Variants in PCMTD1 observed in about 807,000 individuals in gnomAD.
The protein encoded by PCMTD1 is protein-L-isoaspartate (D-aspartate) O-methyltransferase domain containing 1.
Under a neutral mutation model 37.6 loss-of-function variants are expected in PCMTD1, and 12 were observed. That is an observed-to-expected ratio of 0.32 (90% confidence interval 0.20 to 0.52). The LOEUF (loss-of-function observed/expected upper bound fraction) is 0.52. PCMTD1 is among the 20% of genes least tolerant of loss of function. PCMTD1 has a pLI of 0.97. For synonymous variants in PCMTD1, 117 were observed against 135.8 expected (o/e 0.86, Z 0.96); for missense variants, 235 against 421.3 (o/e 0.56, Z 3.87).
upstream of PCMTD1, chr8:51,899,079 T>A: frequency 1.3e-6 from 2 of 1,488,726 alleles, no homozygotes; most frequent in Non-Finnish European, 1.8e-6. Flanking sequence ...AGCCAGAGCC[T>A]CCCGGACTCC....
intron 1 of PCMTD1, among the ~76,000 whole-genome samples, chr8:51,883,658 T>C (rs2038824286): frequency 2.0e-5 from 3 of 152,210 alleles, no homozygotes; most frequent in Admixed American, 2.0e-4. Flanking sequence ...AAGGTATGTG[T>C]ATTTTCTAAA....
At chr8:51,865,185 T>A (rs981422359) in intron 1 of PCMTD1, among the ~76,000 whole-genome samples, 2 of 152,048 alleles carry the variant, frequency 1.3e-5, no homozygotes, top group African/African-American at 4.8e-5. Flanking sequence ...AATCAATAAT[T>A]AAGAAATCTC....
intron 3 of PCMTD1, 90 bp from the exon 4 acceptor site, chr8:51,833,779 T>G: frequency 1.1e-6 from 1 of 872,722 alleles, no homozygotes; most frequent in South Asian, 2.0e-5. Flanking sequence ...AATAATGACG[T>G]TACCCAAATT....
At chr8:51,845,914 T>A in intron 2 of PCMTD1, 151 bp from the exon 3 acceptor site, 1 of 540,546 alleles carries the variant, frequency 1.8e-6, no homozygotes, top group Non-Finnish European at 3.2e-6. Flanking sequence ...AAAAGTTGAA[T>A]GGAAATCCAC....
chr8:51,844,184 T>G (rs182320073), intron 3 of PCMTD1, among the ~76,000 whole-genome samples: 384 of 152,314 alleles, frequency 2.5e-3, no homozygotes, highest in Non-Finnish European at 3.7e-3. Context: ...TCCAAATTTC[T>G]TATCAAATAA....
chr8:51,834,665 G>C (rs931155855), intron 3 of PCMTD1, among the ~76,000 whole-genome samples: 2 of 152,068 alleles, frequency 1.3e-5, no homozygotes, highest in Non-Finnish European at 2.9e-5. Flanking sequence ...AAATAACACT[G>C]ATTTGAATCA....
At chr8:51,849,682 T>C (rs986052016) in intron 2 of PCMTD1, 2 of 163,592 alleles carry the variant, frequency 1.2e-5, no homozygotes, top group African/African-American at 4.8e-5. Flanking sequence ...ATCACATTCA[T>C]TGCACTCTTA....
At chr8:51,891,356 C>G (rs1053120823) in intron 1 of PCMTD1, among the ~76,000 whole-genome samples, 8 of 151,926 alleles carry the variant, frequency 5.3e-5, no homozygotes, top group African/African-American at 1.7e-4. Flanking sequence ...TTGAGACAAG[C>G]CTGGGCAACA....
chr8:51,876,015 TATC>T (rs1237972163), intron 1 of PCMTD1, among the ~76,000 whole-genome samples: 2 of 152,228 alleles, frequency 1.3e-5, no homozygotes, highest in African/African-American at 2.4e-5. Context: ...ATCACTATTA[TATC>T]ATTACTGATG....
chr8:51,882,435 A>C (rs2038804472), intron 1 of PCMTD1, among the ~76,000 whole-genome samples: 1 of 147,066 alleles, frequency 6.8e-6, no homozygotes, highest in Admixed American at 6.9e-5. Context: ...CATTCAATTC[A>C]TAACTGTACC....
At chr8:51,833,396 T>A in intron 4 of PCMTD1, 122 bp downstream of exon 4, 1 of 723,574 alleles carries the variant, frequency 1.4e-6, no homozygotes, top group Non-Finnish European at 2.1e-6. Flanking sequence ...ATAAGATAAA[T>A]CTGGTGAAAA....
At chr8:51,860,687 A>T in intron 2 of PCMTD1, 158 bp downstream of exon 2, 2 of 615,652 alleles carry the variant, frequency 3.2e-6, no homozygotes, top group South Asian at 5.0e-5. Context: ...AAAAAAGATT[A>T]CTACTACTTT....
intron 1 of PCMTD1, among the ~76,000 whole-genome samples, chr8:51,896,883 C>CA (rs34125033): frequency 0.72 from 92,717 of 128,866 alleles, 34,942 homozygotes; most frequent in Non-Finnish European, 0.86. Flanking sequence ...CGCACTATTA[C>CA]AAAAAAAAAA....
At chr8:51,833,811 A>G (rs1275909107) in intron 3 of PCMTD1, 122 bp from the exon 4 acceptor site, 3 of 609,754 alleles carry the variant, frequency 4.9e-6, no homozygotes, top group Non-Finnish European at 5.2e-6. Flanking sequence ...TAAAATGATT[A>G]TAAACTTTAT....
At position 51,833,536 on chromosome 8, in the gene PCMTD1, G is replaced by C. The variant is rs763873687; in HGVS notation, c.564C>G (p.Val188=). ...AAGTTACCTGATCCTCTATAGGCAT[G>C]ACTAATATGCCTCCAACTTTTAGTA... ...KILLKVGGIL[V]MPIEDQLTQI... Residue 188 remains valine, a synonymous_variant, in exon 4 of 6, where the codon GTC becomes GTG. Coordinates refer to ENST00000522514, the MANE Select transcript of PCMTD1 (RefSeq NM_052937.4). 1.2e-6 allele frequency: 2 copies of C among 1,611,278 alleles called. No individual in the cohort carries two copies. The highest frequency in any genetic ancestry group is 3.3e-5 in the Admixed American group (2 of 59,830).
intron 1 of PCMTD1, among the ~76,000 whole-genome samples, chr8:51,886,492 C>G (rs1189832623): frequency 6.6e-6 from 1 of 152,094 alleles, no homozygotes; most frequent in Non-Finnish European, 1.5e-5. Context: ...TTCCTATATG[C>G]CATTTTGATT....
At chr8:51,894,410 A>G (rs1425798552) in intron 1 of PCMTD1, among the ~76,000 whole-genome samples, 1 of 152,214 alleles carries the variant, frequency 6.6e-6, no homozygotes, top group African/African-American at 2.4e-5. Flanking sequence ...CACTCAGCAG[A>G]GGCACAGTGG....
intron 1 of PCMTD1, among the ~76,000 whole-genome samples, chr8:51,896,622 C>T (rs1330877684): frequency 6.6e-6 from 1 of 152,082 alleles, no homozygotes; most frequent in African/African-American, 2.4e-5. Context: ...TGGTTAACAG[C>T]ATAAGATCAA....
chr8:51,843,673 T>C (rs914592795), intron 3 of PCMTD1, among the ~76,000 whole-genome samples: 5 of 152,154 alleles, frequency 3.3e-5, no homozygotes, highest in Non-Finnish European at 7.4e-5. Context: ...ATTTGTGTTG[T>C]GATTATTTAA....
Sources: gnomAD v4.1 joint callset for allele counts (sites outside exome capture counted in the v4.1 genomes callset) on GRCh38, gnomAD v4.1.1 for gene constraint, MANE v1.5 for transcripts, NCBI Gene and HGNC (gene_info 2026-07-23, HGNC 2026-07-21) for gene names.